MIPEP: variants seen among roughly 807,000 people sequenced by gnomAD.
MIPEP encodes the protein mitochondrial intermediate peptidase.
Under a neutral mutation model 90.3 loss-of-function variants are expected in MIPEP, and 79 were observed. The observed-to-expected ratio is 0.87, with a 90% CI of 0.73 to 1.05. The LOEUF (loss-of-function observed/expected upper bound fraction) is 1.05. Ranked by LOEUF, MIPEP falls within the 50% of genes least tolerant of loss-of-function variation. MIPEP has a pLI of 0.00. For synonymous variants in MIPEP, 334 were observed against 315.8 expected, an observed-to-expected ratio of 1.06 and a Z score of -0.61; for missense variants, 940 against 905.6, an observed-to-expected ratio of 1.04 and a Z score of -0.49.
chr13:23,765,475 G>A (rs988513363), intron 16 of MIPEP, among the ~76,000 whole-genome samples: 4 of 152,208 alleles, frequency 2.6e-5, no homozygotes, highest in Non-Finnish European at 5.9e-5. Flanking sequence ...TCATAGGTAT[G>A]TATGTATAGT....
intron 14 of MIPEP, among the ~76,000 whole-genome samples, chr13:23,820,980 C>T (rs1246330893): frequency 6.6e-6 from 1 of 152,222 alleles, no homozygotes. Flanking sequence ...CCAACACTGC[C>T]TCCATACTGA....
intron 16 of MIPEP, among the ~76,000 whole-genome samples, chr13:23,776,323 C>G (rs939478055): frequency 6.6e-6 from 1 of 152,136 alleles, no homozygotes; most frequent in African/African-American, 2.4e-5. Context: ...CATCAAGCAA[C>G]CAGGACTAAT....
At chr13:23,855,787 T>C (rs1870024433) in intron 10 of MIPEP, among the ~76,000 whole-genome samples, 1 of 152,202 alleles carries the variant, frequency 6.6e-6, no homozygotes, top group South Asian at 2.1e-4. Flanking sequence ...ACTGAGTTAA[T>C]AGTCAAATAA....
At chr13:23,845,211 T>C (rs1869480594) in intron 10 of MIPEP, among the ~76,000 whole-genome samples, 1 of 152,220 alleles carries the variant, frequency 6.6e-6, no homozygotes, top group Non-Finnish European at 1.5e-5. Flanking sequence ...TTGGAATACT[T>C]TCCAGTTTAG....
intron 18 of MIPEP, among the ~76,000 whole-genome samples, chr13:23,755,233 A>G (rs1177028413): frequency 6.6e-6 from 1 of 152,240 alleles, no homozygotes; most frequent in Admixed American, 6.5e-5. Flanking sequence ...TCTCCAAAAG[A>G]GCAGGATGTT....
chr13:23,845,642 T>C (rs1282202699), intron 10 of MIPEP, among the ~76,000 whole-genome samples: 1 of 152,196 alleles, frequency 6.6e-6, no homozygotes, highest in African/African-American at 2.4e-5. Context: ...GAAATGGCAT[T>C]GCTGCAAAGA....
chr13:23,852,310 G>C (rs993200473), intron 10 of MIPEP, among the ~76,000 whole-genome samples: 3 of 152,096 alleles, frequency 2.0e-5, no homozygotes, highest in African/African-American at 7.2e-5. Flanking sequence ...ATTTTTATTA[G>C]GTAATAATGA....
In MIPEP at chr13:23,837,636, G is replaced by A; in HGVS notation, c.1459C>T (p.Pro487Ser). ...TGGAAAAGATTTTCCATCATGCTAGGAGTTAGCAAAGTTGGAGAACTCCTT... is the reference window on the plus strand; with the variant it reads ...TGGAAAAGATTTTCCATCATGCTAGAAGTTAGCAAAGTTGGAGAACTCCTT... ...SSRSSPTLLT[P>S]SMMENLFHEM... The change falls in exon 13 of 19, where the codon CCT becomes TCT. Residue 487 changes from proline to serine, a missense_variant. Transcript: ENST00000382172. 1 of 1,614,064 alleles carries A rather than the reference G, an allele frequency of 6.2e-7. No individual in the cohort carries two copies. The highest frequency in any genetic ancestry group is 1.6e-4 in the Middle Eastern group (1 of 6,062).
At chr13:23,844,285 A>G (rs1358718594) in intron 10 of MIPEP, among the ~76,000 whole-genome samples, 1 of 152,168 alleles carries the variant, frequency 6.6e-6, no homozygotes, top group Non-Finnish European at 1.5e-5. Context: ...GTGCATGGAA[A>G]GAGGGGAGAA....
chr13:23,756,453 G>A (rs1324338732), intron 18 of MIPEP, 92 bp downstream of exon 18: 3 of 1,337,218 alleles, frequency 2.2e-6, no homozygotes, highest in Non-Finnish European at 3.2e-6. Flanking sequence ...CACCACACCT[G>A]GCCTAAAACA....
Position 23,814,652 on chromosome 13 carries a change from C to A in MIPEP, c.1654-4728G>T, listed in dbSNP as rs1382079594. ...TATATTAGCTAATTATGGTAAAGAACAACTGTGCAAGAAACATCAGGACTG... is the reference window on the plus strand; with the variant it reads ...TATATTAGCTAATTATGGTAAAGAAAAACTGTGCAAGAAACATCAGGACTG... On this transcript the variant is annotated intron_variant, in intron 14 of 18. Coordinates refer to ENST00000382172, the MANE Select transcript of MIPEP (RefSeq NM_005932.4). 4.6e-5 allele frequency among the ~76,000 whole-genome samples: 7 copies of A among 152,194 alleles called. No homozygotes were observed. In the East Asian group the frequency reaches 1.3e-3, roughly 29 times the overall value.
intron 16 of MIPEP, among the ~76,000 whole-genome samples, chr13:23,760,856 T>C (rs192145141): frequency 9.2e-5 from 14 of 152,342 alleles, no homozygotes; most frequent in Admixed American, 2.6e-4. Flanking sequence ...CTGATTATAA[T>C]ACATTTTATT....
chr13:23,775,673 A>G (rs1434619329), intron 16 of MIPEP, among the ~76,000 whole-genome samples: 1 of 152,244 alleles, frequency 6.6e-6, no homozygotes, highest in Non-Finnish European at 1.5e-5. Context: ...TGAAGACAAG[A>G]ACAGGCAGCA....
At chr13:23,797,265 CACTAG>C (rs1445842367) in intron 16 of MIPEP, among the ~76,000 whole-genome samples, 1 of 152,164 alleles carries the variant, frequency 6.6e-6, no homozygotes, top group Non-Finnish European at 1.5e-5. Flanking sequence ...TTAGTACCTT[CACTAG>C]ACTAATGACT....
chr13:23,752,528 A>T (rs1952452364), intron 18 of MIPEP, among the ~76,000 whole-genome samples: 1 of 152,188 alleles, frequency 6.6e-6, no homozygotes, highest in Non-Finnish European at 1.5e-5. Context: ...TCTAGTATAT[A>T]TTTTATAAAA....
chr13:23,765,976 G>A (rs1306358196), intron 16 of MIPEP: 1 of 152,188 alleles, frequency 6.6e-6, no homozygotes, highest in Non-Finnish European at 1.5e-5. Context: ...CACTGTCTGA[G>A]AGAGTACATT....
intron 17 of MIPEP, among the ~76,000 whole-genome samples, chr13:23,759,138 CAAAG>C (rs1446164333): frequency 2.7e-4 from 41 of 152,272 alleles, no homozygotes; most frequent in African/African-American, 9.9e-4. Flanking sequence ...GGTTTTCTTT[CAAAG>C]AAAGAGCCTT....
In MIPEP at chr13:23,819,737, G is replaced by A. The variant is rs144382872; in HGVS notation, c.1654-9813C>T. On this transcript the variant is annotated intron_variant, in intron 14 of 18. Transcript: ENST00000382172. Reference sequence around the variant, plus strand: ...AAAAAATAGAAAAAAAGCCGGACACGGTGGCTCATGCCTGTGATCCCAGCA... The same window carrying A: ...AAAAAATAGAAAAAAAGCCGGACACAGTGGCTCATGCCTGTGATCCCAGCA... 6.7e-3 allele frequency among the ~76,000 whole-genome samples: 1,023 copies of A among 152,100 alleles called. 5 individuals are homozygous for A. The highest frequency in any genetic ancestry group is 0.01 in the Non-Finnish European group (693 of 67,980).
chr13:23,783,499 G>T (rs975419631), intron 16 of MIPEP, among the ~76,000 whole-genome samples: 1 of 152,148 alleles, frequency 6.6e-6, no homozygotes, highest in Non-Finnish European at 1.5e-5. Flanking sequence ...ATATCATACT[G>T]AATGGGCAAA....
Sources: allele counts gnomAD v4.1 joint callset (sites outside exome capture counted in the v4.1 genomes callset), GRCh38; gene constraint gnomAD v4.1.1; transcripts MANE v1.5; gene names NCBI Gene and HGNC (gene_info 2026-07-23, HGNC 2026-07-21).